The following BBOX1 variants were observed in gnomAD, a reference collection of about 807,000 sequenced individuals.
BBOX1 encodes the protein gamma-butyrobetaine hydroxylase 1, also known as gamma-butyrobetaine dioxygenase.
In BBOX1, 35 loss-of-function variants were observed where a neutral mutation model predicts 41.6. The observed-to-expected ratio is 0.84, with a 90% CI of 0.64 to 1.11. The LOEUF is 1.11. Among genes scored for constraint, BBOX1 ranks in the 50% most tolerant of loss-of-function variants. The probability of loss-of-function intolerance (pLI) is 0.00; values close to 1 mark genes in which losing one functional copy is unlikely to be tolerated. For missense variants in BBOX1, 458 were observed against 460.6 expected, an observed-to-expected ratio of 0.99 and a Z score of 0.05; for synonymous variants, 163 against 154.7, an observed-to-expected ratio of 1.05 and a Z score of -0.40.
At chr11:27,057,878 A>G (rs1857033610) in intron 4 of BBOX1, among the ~76,000 whole-genome samples, 1 of 152,174 alleles carries the variant, frequency 6.6e-6, no homozygotes, top group South Asian at 2.1e-4. Context: ...AAGGGGATCC[A>G]TAAACAGAAC....
chr11:27,078,202 C>T (rs1006251949), intron 4 of BBOX1, among the ~76,000 whole-genome samples: 8 of 152,044 alleles, frequency 5.3e-5, no homozygotes, highest in South Asian at 2.1e-4. Flanking sequence ...TATGTTTATC[C>T]CTAAACCAAG....
At chr11:27,045,594 T>C (rs1228186927) in intron 2 of BBOX1, among the ~76,000 whole-genome samples, 1 of 152,096 alleles carries the variant, frequency 6.6e-6, no homozygotes, top group Non-Finnish European at 1.5e-5. Context: ...ATTATTTTGA[T>C]ATATATTCCT....
intron 4 of BBOX1, among the ~76,000 whole-genome samples, chr11:27,090,031 G>A (rs1858183527): frequency 6.6e-6 from 1 of 151,950 alleles, no homozygotes; most frequent in South Asian, 2.1e-4. Context: ...TCAAAACAAA[G>A]CCACATCTAT....
At chr11:27,090,309 T>C (rs570682816) in intron 4 of BBOX1, among the ~76,000 whole-genome samples, 134 of 152,028 alleles carry the variant, frequency 8.8e-4, no homozygotes, top group Non-Finnish European at 1.3e-3. Context: ...ACTTTACAGC[T>C]GGGCTGCTGG....
intron 8 of BBOX1, among the ~76,000 whole-genome samples, chr11:27,126,632 T>G (rs1859662571): frequency 1.3e-5 from 2 of 152,076 alleles, no homozygotes; most frequent in Non-Finnish European, 2.9e-5. Context: ...CTATCCTTTT[T>G]ATTTTCTGAA....
intron 2 of BBOX1, among the ~76,000 whole-genome samples, chr11:27,053,492 G>A (rs180936194): frequency 6.6e-6 from 1 of 152,286 alleles, no homozygotes; most frequent in East Asian, 1.9e-4. Context: ...AAGCCTAAAA[G>A]ATATGCCGTC....
intron 5 of BBOX1, among the ~76,000 whole-genome samples, chr11:27,106,288 C>G (rs1375337782): frequency 1.7e-5 from 1 of 60,236 alleles, no homozygotes; most frequent in Non-Finnish European, 3.2e-5. Flanking sequence ...TTAAAAGGCA[C>G]AGACTGGCAA....
chr11:27,118,503 G>T (rs183128178), intron 6 of BBOX1, among the ~76,000 whole-genome samples: 13 of 152,070 alleles, frequency 8.5e-5, no homozygotes, highest in East Asian at 3.9e-4. Flanking sequence ...CAGAGATAAG[G>T]CACCACATCT....
chr11:27,058,479 T>C (rs1857049948), intron 4 of BBOX1, among the ~76,000 whole-genome samples: 1 of 152,276 alleles, frequency 6.6e-6, no homozygotes, highest in South Asian at 2.1e-4. Context: ...AGGCAAATGT[T>C]GGAAGAGTTT....
chr11:27,061,763 C>CA (rs1456218419), intron 4 of BBOX1, among the ~76,000 whole-genome samples: 3 of 152,052 alleles, frequency 2.0e-5, no homozygotes, highest in Admixed American at 1.3e-4. Flanking sequence ...GATCATCATC[C>CA]AAAAAACTTT....
chr11:27,073,117 G>A (rs559111448), intron 4 of BBOX1, among the ~76,000 whole-genome samples: 2 of 152,260 alleles, frequency 1.3e-5, no homozygotes, highest in African/African-American at 4.8e-5. Context: ...TACCATCAGA[G>A]TGAACAGGCA....
chr11:27,067,937 T>G (rs1220384182), intron 4 of BBOX1, among the ~76,000 whole-genome samples: 1 of 152,076 alleles, frequency 6.6e-6, no homozygotes, highest in African/African-American at 2.4e-5. Context: ...TGAGTAGTAT[T>G]CCATGGTGTG....
At chr11:27,092,781 C>T (rs1027885402) in intron 4 of BBOX1, among the ~76,000 whole-genome samples, 3 of 151,916 alleles carry the variant, frequency 2.0e-5, no homozygotes, top group African/African-American at 7.2e-5. Context: ...TTGATTTTAT[C>T]ATCTATTTGG....
rs758517397 is a variant in BBOX1, at chr11:27,055,425, G to A, written c.-6G>A. The A allele has an allele frequency of 7.4e-5, 119 of 1,611,920 alleles. No individual in the cohort carries two copies. The highest frequency in any genetic ancestry group is 5.2e-4 in the South Asian group (47 of 90,978). On this transcript the variant is annotated 5_prime_UTR_variant, in exon 3 of 9. Transcript: ENST00000263182. ...CTGACAGCATCTACTCCTGAAGACCGGAAACATGGCTTGTACCATCCAAAA... is the reference window on the plus strand; with the variant it reads ...CTGACAGCATCTACTCCTGAAGACCAGAAACATGGCTTGTACCATCCAAAA...
chr11:27,100,421 A>G (rs1412628968), intron 5 of BBOX1, among the ~76,000 whole-genome samples: 1 of 152,198 alleles, frequency 6.6e-6, no homozygotes, highest in Non-Finnish European at 1.5e-5. Context: ...AGAAGAAGAC[A>G]AAGAAAAATT....
chr11:27,066,901 C>T (rs1857304580), intron 4 of BBOX1, among the ~76,000 whole-genome samples: 1 of 152,036 alleles, frequency 6.6e-6, no homozygotes, highest in African/African-American at 2.4e-5. Context: ...ATATTTTTCT[C>T]AATCAGTAAC....
chr11:27,122,481 A>G (rs1470271), intron 7 of BBOX1, among the ~76,000 whole-genome samples: 8,576 of 152,254 alleles, frequency 0.056, 813 homozygotes, highest in African/African-American at 0.2. Context: ...TTAGCTAGTT[A>G]TAATATGCAT....
At chr11:27,070,648 T>G (rs375344183) in intron 4 of BBOX1, among the ~76,000 whole-genome samples, 22 of 152,234 alleles carry the variant, frequency 1.4e-4, no homozygotes, top group African/African-American at 3.8e-4. Flanking sequence ...TGAATTTGTA[T>G]GAATCCTTAT....
intron 4 of BBOX1, among the ~76,000 whole-genome samples, chr11:27,085,763 G>A (rs1217236478): frequency 6.6e-6 from 1 of 152,092 alleles, no homozygotes; most frequent in Non-Finnish European, 1.5e-5. Context: ...GCTGAGGGAG[G>A]CCAAAAGCTA....
Sources: gnomAD v4.1 joint callset for allele counts (sites outside exome capture counted in the v4.1 genomes callset) on GRCh38, gnomAD v4.1.1 for gene constraint, MANE v1.5 for transcripts, NCBI Gene and HGNC (gene_info 2026-07-23, HGNC 2026-07-21) for gene names.